XPNPEP3: variants seen among roughly 807,000 people sequenced by gnomAD.
XPNPEP3 encodes X-prolyl aminopeptidase 3.
A neutral mutation model predicts 60.0 loss-of-function variants in XPNPEP3; 41 were observed. The ratio of observed to expected loss-of-function variants is 0.68; its 90% CI spans 0.53 to 0.89. The LOEUF is 0.89. Ranked by LOEUF, XPNPEP3 falls within the 40% of genes least tolerant of loss-of-function variation. The pLI is 0.00. For synonymous variants in XPNPEP3, 212 were observed against 223.2 expected (o/e 0.95, Z 0.45); for missense variants, 598 against 638.9 (o/e 0.94, Z 0.69).
intron 2 of XPNPEP3, among the ~76,000 whole-genome samples, chr22:40,874,114 A>G (rs1011051109): frequency 1.3e-5 from 2 of 152,170 alleles, no homozygotes; most frequent in African/African-American, 4.8e-5. Context: ...AAAGATTAAA[A>G]TGATGCTTGA....
chr22:40,869,335 T>G (rs1326491779), intron 2 of XPNPEP3, among the ~76,000 whole-genome samples: 1 of 152,190 alleles, frequency 6.6e-6, no homozygotes, highest in East Asian at 1.9e-4. Flanking sequence ...CTTAACTACA[T>G]GTGGGTACTG....
chr22:40,889,033 T>G (rs1297831365), intron 4 of XPNPEP3, among the ~76,000 whole-genome samples: 1 of 152,112 alleles, frequency 6.6e-6, no homozygotes, highest in Non-Finnish European at 1.5e-5. Context: ...TGTTTTGTTT[T>G]GTTTTGTTTT....
intron 4 of XPNPEP3, chr22:40,888,451 C>T (rs2058077157): frequency 2.3e-6 from 1 of 433,452 alleles, no homozygotes; most frequent in African/African-American, 2.1e-5. Flanking sequence ...TCAGTGTTGT[C>T]CAGGCTAGTC....
intron 4 of XPNPEP3, among the ~76,000 whole-genome samples, chr22:40,891,659 A>C (rs1158286191): frequency 6.6e-6 from 1 of 152,116 alleles, no homozygotes; most frequent in African/African-American, 2.4e-5. Flanking sequence ...TCTCAAAAAA[A>C]AAAAAAAGGT....
intron 2 of XPNPEP3, among the ~76,000 whole-genome samples, chr22:40,871,173 G>A (rs962735507): frequency 2.0e-5 from 3 of 152,174 alleles, no homozygotes; most frequent in Non-Finnish European, 4.4e-5. Flanking sequence ...GACGAGCATA[G>A]GCAACATAGC....
At chr22:40,914,599 G>A (rs1315577042) in intron 7 of XPNPEP3, among the ~76,000 whole-genome samples, 2 of 141,348 alleles carry the variant, frequency 1.4e-5, no homozygotes, top group Non-Finnish European at 3.0e-5. Context: ...ATCCAGGCTG[G>A]GGTGCAGTGG....
intron 9 of XPNPEP3, 133 bp downstream of exon 9, chr22:40,924,615 C>A: frequency 7.6e-7 from 1 of 1,318,234 alleles, no homozygotes; most frequent in Non-Finnish European, 1.1e-6. Flanking sequence ...CCTCCGCCCC[C>A]CAGGTTCAGC....
In XPNPEP3 at chr22:40,927,874, C is replaced by CAAAAAA; in HGVS notation, c.*1452_*1457dup. The CAAAAAA allele has an allele frequency of 1.8e-5, 1 of 55,542 alleles. No homozygotes were observed. The highest frequency in any genetic ancestry group is 3.6e-5 in the Non-Finnish European group (1 of 27,808). The allele number at this position is 55,542 out of a possible 1,614,324, so 3.4% of individuals were successfully genotyped here. On this transcript the variant is annotated 3_prime_UTR_variant, in exon 10 of 10. Transcript: ENST00000357137. Reference sequence around the variant, plus strand: ...TGGGTGACAGAGCGAGACTCCGTCTCAAAAAAAAAAAAAAAAAAGAAAAAA... The same window carrying CAAAAAA: ...TGGGTGACAGAGCGAGACTCCGTCTCAAAAAAAAAAAAAAAAAAAAAAAAGAAAAAA...
chr22:40,925,071 G>C (rs918143342), intron 9 of XPNPEP3, among the ~76,000 whole-genome samples: 2 of 152,066 alleles, frequency 1.3e-5, no homozygotes, highest in African/African-American at 2.4e-5. Context: ...ATTTAGTAGT[G>C]GGGGGCTGCT....
Position 40,926,397 on chromosome 22 carries a change from A to G in XPNPEP3, c.1486A>G (p.Met496Val), listed in dbSNP as rs1238973207. ...LILSADCPKE[M>V]NDIEQICSQA... ...CCTTTCTGCAGACTGTCCCAAAGAG[A>G]TGAATGACATTGAACAGATATGCAG... is the stretch of plus-strand genomic sequence containing the variant. Residue 496 changes from methionine to valine, a missense_variant, in exon 10 of 10, where the codon ATG (methionine) becomes GTG (valine). Physicochemically the swap from Met to Val is conservative, Grantham distance 21 (BLOSUM62 1). Transcript: ENST00000357137. The G allele has an allele frequency of 1.2e-6, 2 of 1,614,146 alleles. No individual in the cohort carries two copies. Among genetic ancestry groups the G allele is most frequent in the Non-Finnish European group, 8.5e-7 (1 of 1,180,032 alleles).
chr22:40,895,125 C>G (rs1442790821), intron 4 of XPNPEP3, among the ~76,000 whole-genome samples: 1 of 152,100 alleles, frequency 6.6e-6, no homozygotes, highest in Non-Finnish European at 1.5e-5. Flanking sequence ...TGAACCAGTC[C>G]AATTGCCTGG....
chr22:40,863,970 G>C (rs955957089), intron 1 of XPNPEP3, among the ~76,000 whole-genome samples: 1 of 152,102 alleles, frequency 6.6e-6, no homozygotes, highest in East Asian at 1.9e-4. Flanking sequence ...TGCTGTTACC[G>C]GAAAGGGGTC....
intron 3 of XPNPEP3, among the ~76,000 whole-genome samples, chr22:40,882,991 G>A (rs2058054246): frequency 6.6e-6 from 1 of 152,166 alleles, no homozygotes; most frequent in African/African-American, 2.4e-5. Context: ...GAGAGGCTGA[G>A]GTAGAAGGAT....
chr22:40,858,303 TGCCACGTTG>T (rs150554356), intron 1 of XPNPEP3, among the ~76,000 whole-genome samples: 6,568 of 151,218 alleles, frequency 0.043, 451 homozygotes, highest in African/African-American at 0.15. Context: ...AACCAGGTTT[TGCCACGTTG>T]GCCAAGCTGA....
intron 4 of XPNPEP3, among the ~76,000 whole-genome samples, chr22:40,891,472 G>A (rs950913216): frequency 6.6e-6 from 1 of 151,624 alleles, no homozygotes; most frequent in Non-Finnish European, 1.5e-5. Context: ...GGCCTATATG[G>A]TGAAACCCCG....
chr22:40,901,318 T>A (rs970779974), intron 4 of XPNPEP3, among the ~76,000 whole-genome samples: 1 of 143,274 alleles, frequency 7.0e-6, no homozygotes. Context: ...CACCGCAACC[T>A]CCACCTCCCA....
At chr22:40,907,144 C>T (rs558371086) in intron 4 of XPNPEP3, 13 of 456,630 alleles carry the variant, frequency 2.8e-5, no homozygotes, top group South Asian at 6.2e-5. Context: ...ATTATTGGCC[C>T]GGCACGGTGG....
Position 40,881,828 on chromosome 22 carries a change from G to A in XPNPEP3, c.240G>A (p.Met80Ile), listed in dbSNP as rs774536385. Reference protein sequence around the residue: ...VEYALRRHKLMSLIQKEAQGQ... With the variant: ...VEYALRRHKLISLIQKEAQGQ... ...ATGCACTTCGCAGACACAAACTAAT[G>A]TCTCTGATCCAGAAGGAAGCTCAAG... Residue 80 changes from methionine (M) to isoleucine (I), a missense_variant, in exon 3 of 10, where the codon ATG becomes ATA. Coordinates refer to ENST00000357137, the MANE Select transcript of XPNPEP3 (RefSeq NM_022098.4). 3 of 1,614,166 alleles carry A rather than the reference G, an allele frequency of 1.9e-6. No individual in the cohort carries two copies. Among genetic ancestry groups the A allele is most frequent in the Admixed American group, 1.7e-5 (1 of 60,012 alleles).
chr22:40,886,908 A>G (rs576204338), intron 4 of XPNPEP3, among the ~76,000 whole-genome samples: 20 of 152,058 alleles, frequency 1.3e-4, no homozygotes, highest in African/African-American at 4.8e-4. Context: ...TCGTATACCC[A>G]ATGCAGCAGT....
Sources: gnomAD v4.1 joint callset for allele counts (sites outside exome capture counted in the v4.1 genomes callset) on GRCh38, gnomAD v4.1.1 for gene constraint, MANE v1.5 for transcripts, NCBI Gene and HGNC (gene_info 2026-07-23, HGNC 2026-07-21) for gene names.